PIAS2: variants seen among roughly 807,000 people sequenced by gnomAD.
PIAS2 encodes the protein protein inhibitor of activated STAT 2.
PIAS2 carries 19 observed loss-of-function variants against 69.7 expected under a neutral mutation model. The ratio of observed to expected loss-of-function variants is 0.27; its 90% CI spans 0.19 to 0.40. The LOEUF (loss-of-function observed/expected upper bound fraction) is 0.40, where lower values mean the gene tolerates loss of function less well. PIAS2 is among the 10% of genes least tolerant of loss of function. The pLI is 1.00. For synonymous variants in PIAS2, 261 were observed against 263.2 expected (o/e 0.99, Z 0.08); for missense variants, 624 against 757.0 (o/e 0.82, Z 2.06).
At chr18:46,875,950 G>A (rs904434584) in intron 2 of PIAS2, among the ~76,000 whole-genome samples, 1 of 152,230 alleles carries the variant, frequency 6.6e-6, no homozygotes, top group Admixed American at 6.5e-5. Context: ...GGCACCCTAT[G>A]GGTCAGGCCC....
At chr18:46,834,928 A>G (rs1213954665) in intron 9 of PIAS2, among the ~76,000 whole-genome samples, 1 of 152,256 alleles carries the variant, frequency 6.6e-6, no homozygotes, top group African/African-American at 2.4e-5. Flanking sequence ...AATAATAAAT[A>G]GTAAAAGTCT....
At chr18:46,860,694 G>A (rs1356783715) in intron 3 of PIAS2, among the ~76,000 whole-genome samples, 4 of 152,270 alleles carry the variant, frequency 2.6e-5, no homozygotes, top group African/African-American at 9.6e-5. Context: ...TGGGAATGCT[G>A]GCTCACATCT....
chr18:46,901,882 T>G (rs1313841593), intron 1 of PIAS2, among the ~76,000 whole-genome samples: 1 of 152,196 alleles, frequency 6.6e-6, no homozygotes, highest in East Asian at 1.9e-4. Context: ...AGATGCCTAC[T>G]ATCACCCCTC....
chr18:46,832,206 G>A (rs2043726955), intron 9 of PIAS2, among the ~76,000 whole-genome samples: 1 of 151,752 alleles, frequency 6.6e-6, no homozygotes. Flanking sequence ...CACGAGGTCG[G>A]GAGTTCGAGA....
chr18:46,838,100 G>T lies in PIAS2; in HGVS notation c.1042-1583C>A, dbSNP rs140498072. Among the ~76,000 whole-genome samples, 758 of 152,248 alleles carry T rather than the reference G, an allele frequency of 5.0e-3. 7 individuals carry two copies. The highest frequency in any genetic ancestry group is 0.017 in the African/African-American group (717 of 41,556). On this transcript the variant is annotated intron_variant, in intron 8 of 13. Coordinates refer to ENST00000585916, the MANE Select transcript of PIAS2 (RefSeq NM_004671.5). ...CTCTGCCTGGGAGGCAGGCTTTTTA[G>T]GATGTTCTTTTTCTTTTGGTTCATC... is the stretch of plus-strand genomic sequence containing the variant.
intron 5 of PIAS2, among the ~76,000 whole-genome samples, chr18:46,848,158 T>G (rs1247745863): frequency 1.3e-5 from 2 of 152,226 alleles, no homozygotes; most frequent in African/African-American, 2.4e-5. Flanking sequence ...GCAGGAATTT[T>G]AGAGAGAAAA....
chr18:46,869,139 G>A (rs1408141112), intron 2 of PIAS2, among the ~76,000 whole-genome samples: 1 of 152,210 alleles, frequency 6.6e-6, no homozygotes, highest in Non-Finnish European at 1.5e-5. Flanking sequence ...ATGGCTTATG[G>A]CAGATTCCTG....
intron 2 of PIAS2, among the ~76,000 whole-genome samples, chr18:46,873,864 T>C (rs1023817078): frequency 4.6e-5 from 7 of 152,196 alleles, no homozygotes; most frequent in Admixed American, 3.9e-4. Flanking sequence ...CGCCCGTTTT[T>C]CACCTCCCTC....
At chr18:46,908,519 T>C (rs2056887198) in intron 1 of PIAS2, among the ~76,000 whole-genome samples, 1 of 146,030 alleles carries the variant, frequency 6.8e-6, no homozygotes, top group Admixed American at 6.8e-5. Context: ...CCAGGTGGAT[T>C]AAAACCTTAA....
chr18:46,884,552 C>T (rs573218710), intron 2 of PIAS2, among the ~76,000 whole-genome samples: 47 of 152,126 alleles, frequency 3.1e-4, no homozygotes, highest in African/African-American at 1.1e-3. Flanking sequence ...ACCTCGTGAT[C>T]CGCCCACCTC....
Position 46,890,622 on chromosome 18 carries a change from A to G in PIAS2, c.457T>C (p.Phe153Leu). ...ATGAGAACATCAAGGACATCATAAAAGGGCAGATTTTTTAACTGCACATCA... is the reference window on the plus strand; with the variant it reads ...ATGAGAACATCAAGGACATCATAAAGGGGCAGATTTTTTAACTGCACATCA... ...HPDVQLKNLP[F>L]YDVLDVLIKP... The change falls in exon 2 of 14, where the codon TTT (phenylalanine) becomes CTT (leucine). Residue 153 changes from phenylalanine (F) to leucine (L), a missense_variant. Coordinates refer to ENST00000585916, the MANE Select transcript of PIAS2 (RefSeq NM_004671.5). The G allele has an allele frequency of 6.2e-7, 1 of 1,614,122 alleles. No homozygotes were observed. Among genetic ancestry groups the G allele is most frequent in the South Asian group, 1.1e-5 (1 of 91,082 alleles).
chr18:46,860,077 A>C (rs72909171), intron 3 of PIAS2, among the ~76,000 whole-genome samples: 7,109 of 152,344 alleles, frequency 0.047, 193 homozygotes, highest in Non-Finnish European at 0.064. Flanking sequence ...CGTCTAGTCT[A>C]GATCTTACTA....
At chr18:46,815,563 C>T (rs998249836) in intron 12 of PIAS2, 1 of 1,211,660 alleles carries the variant, frequency 8.3e-7, no homozygotes, top group East Asian at 3.8e-5. Context: ...AAACTAGCTC[C>T]CAGAGACTCA....
Position 46,808,843 on chromosome 18 carries a change from TA to T in PIAS2, c.*3589del. On this transcript the variant is annotated 3_prime_UTR_variant, in exon 14 of 14. Coordinates refer to ENST00000585916, the MANE Select transcript of PIAS2 (RefSeq NM_004671.5). ...GTGCTTTTTTTTTTTTTTTTTTTTTTAAACCAACTGAAGGCCAGAGAAATGA... is the reference window on the plus strand; with the variant it reads ...GTGCTTTTTTTTTTTTTTTTTTTTTTAACCAACTGAAGGCCAGAGAAATGA... The T allele has an allele frequency of 6.8e-6, 1 of 148,000 alleles. No homozygotes were observed. The allele number at this position is 148,000 out of a possible 1,614,324, so 9.2% of individuals were successfully genotyped here.
chr18:46,866,704 T>A (rs1165284195), intron 2 of PIAS2, among the ~76,000 whole-genome samples: 1 of 152,176 alleles, frequency 6.6e-6, no homozygotes, highest in Non-Finnish European at 1.5e-5. Flanking sequence ...GGAGGAAATA[T>A]GAGAACAGCA....
chr18:46,844,709 C>G (rs752120187), intron 7 of PIAS2, 25 bp downstream of exon 7: 9 of 767,282 alleles, frequency 1.2e-5, no homozygotes, highest in South Asian at 3.1e-5. Flanking sequence ...TTTTTAAATG[C>G]TTGGTCTTAT....
intron 9 of PIAS2, among the ~76,000 whole-genome samples, chr18:46,834,140 T>C (rs1430996080): frequency 1.3e-5 from 2 of 152,194 alleles, no homozygotes; most frequent in African/African-American, 4.8e-5. Flanking sequence ...TGAAGCAATG[T>C]ATGACGGAAC....
intron 1 of PIAS2, among the ~76,000 whole-genome samples, chr18:46,894,472 A>G (rs1330347017): frequency 6.6e-6 from 1 of 151,950 alleles, no homozygotes; most frequent in Non-Finnish European, 1.5e-5. Flanking sequence ...CGGTTTTTCC[A>G]CTCCACTGCG....
upstream of PIAS2, chr18:46,919,960 A>G: frequency 1.4e-6 from 1 of 738,664 alleles, no homozygotes; most frequent in Non-Finnish European, 2.1e-6. Context: ...CGAATAGAGT[A>G]CAATACAGCC....
Sources: gnomAD v4.1 joint callset for allele counts (sites outside exome capture counted in the v4.1 genomes callset) on GRCh38, gnomAD v4.1.1 for gene constraint, MANE v1.5 for transcripts, NCBI Gene and HGNC (gene_info 2026-07-23, HGNC 2026-07-21) for gene names.